Variants in JMJD1C observed in about 807,000 individuals in gnomAD.
The protein encoded by JMJD1C is jumonji domain-containing protein 1C.
Under a neutral mutation model 245.3 loss-of-function variants are expected in JMJD1C, and 31 were observed. That is an observed-to-expected ratio of 0.13 (90% CI 0.09 to 0.17). The LOEUF is 0.17. JMJD1C is among the 10% of genes least tolerant of loss of function. The probability of loss-of-function intolerance (pLI) is 1.00; values close to 1 mark genes in which losing one functional copy is unlikely to be tolerated. For missense variants in JMJD1C, 2,691 were observed against 3,000.2 expected, an observed-to-expected ratio of 0.90 and a Z score of 2.41; for synonymous variants, 1,057 against 1,017.4, an observed-to-expected ratio of 1.04 and a Z score of -0.74.
In JMJD1C at chr10:63,379,623, T is replaced by C. The variant is rs577210808; in HGVS notation, c.333+695A>G. 9.2e-5 allele frequency among the ~76,000 whole-genome samples: 14 copies of C among 152,350 alleles called. No homozygotes were observed. The South Asian group carries it at 2.9e-3, about 32-fold the overall frequency. On this transcript the variant is annotated intron_variant, in intron 2 of 25. Transcript: ENST00000399262. ...AAGAAGAATTACTCGTTATTAAATGTTTTAATACAAAGTATGTTCCATCTC... is the reference window on the plus strand; with the variant it reads ...AAGAAGAATTACTCGTTATTAAATGCTTTAATACAAAGTATGTTCCATCTC...
At chr10:63,418,683 G>GA (rs922629256) in intron 1 of JMJD1C, among the ~76,000 whole-genome samples, 2 of 152,104 alleles carry the variant, frequency 1.3e-5, no homozygotes, top group African/African-American at 4.8e-5. Flanking sequence ...CCACCCTACT[G>GA]AAAGGACAGA....
intron 1 of JMJD1C, among the ~76,000 whole-genome samples, chr10:63,406,553 C>T (rs945836746): frequency 2.6e-5 from 4 of 151,714 alleles, no homozygotes; most frequent in Non-Finnish European, 5.9e-5. Context: ...TTTTATTTCC[C>T]TACAAGTGAT....
intron 2 of JMJD1C, among the ~76,000 whole-genome samples, chr10:63,289,195 A>G (rs995170952): frequency 2.0e-5 from 3 of 152,136 alleles, no homozygotes; most frequent in African/African-American, 7.2e-5. Flanking sequence ...AGATCACCTC[A>G]GCTATAAAAA....
At chr10:63,345,120 A>G (rs1943695852) in intron 2 of JMJD1C, among the ~76,000 whole-genome samples, 1 of 152,348 alleles carries the variant, frequency 6.6e-6, no homozygotes, top group East Asian at 1.9e-4. Flanking sequence ...TCAAAAGTAG[A>G]ATGGGTATCT....
At chr10:63,294,427 A>G (rs760385428) in intron 2 of JMJD1C, among the ~76,000 whole-genome samples, 1 of 152,006 alleles carries the variant, frequency 6.6e-6, no homozygotes, top group East Asian at 1.9e-4. Flanking sequence ...CTGGGACTAC[A>G]GGTGTGTGCC....
chr10:63,180,913 C>T (rs1010864823), intron 22 of JMJD1C, among the ~76,000 whole-genome samples: 12 of 151,602 alleles, frequency 7.9e-5, no homozygotes, highest in African/African-American at 1.4e-4. Context: ...GGACTACAGG[C>T]GCCCGCCACT....
chr10:63,380,767 CCTT>C (rs1564855994), intron 1 of JMJD1C, among the ~76,000 whole-genome samples: 1 of 152,292 alleles, frequency 6.6e-6, no homozygotes, highest in Non-Finnish European at 1.5e-5. Flanking sequence ...AGCACTTACT[CCTT>C]CTATCTAATT....
intron 2 of JMJD1C, among the ~76,000 whole-genome samples, chr10:63,345,798 G>A (rs138582580): frequency 6.6e-6 from 1 of 152,100 alleles, no homozygotes; most frequent in East Asian, 1.9e-4. Flanking sequence ...TAAAATAAAT[G>A]AATTTTAGTG....
intron 8 of JMJD1C, among the ~76,000 whole-genome samples, chr10:63,210,014 T>C (rs1380587581): frequency 1.3e-5 from 2 of 152,182 alleles, no homozygotes; most frequent in Admixed American, 6.5e-5. Context: ...TCCTTTGTAT[T>C]TTCTCTAACA....
chr10:63,470,289 A>G (rs889722956), upstream of JMJD1C, among the ~76,000 whole-genome samples: 6 of 152,210 alleles, frequency 3.9e-5, no homozygotes, highest in Admixed American at 3.9e-4. Flanking sequence ...GAATGAATGA[A>G]TATAGCAAAA....
At chr10:63,265,096 T>G in intron 2 of JMJD1C, among the ~76,000 whole-genome samples, 1 of 152,008 alleles carries the variant, frequency 6.6e-6, no homozygotes, top group East Asian at 1.9e-4. Flanking sequence ...AACAGTAAAC[T>G]GGGTTGTAGA....
At chr10:63,456,468 AAC>A (rs1286615042) in intron 1 of JMJD1C, among the ~76,000 whole-genome samples, 3 of 152,250 alleles carry the variant, frequency 2.0e-5, no homozygotes, top group East Asian at 1.9e-4. Context: ...TATATTAAAT[AAC>A]ACATAATTTT....
intron 1 of JMJD1C, among the ~76,000 whole-genome samples, chr10:63,419,717 G>C (rs1950008295): frequency 2.0e-5 from 3 of 151,302 alleles, no homozygotes; most frequent in Middle Eastern, 3.4e-3. Context: ...CTGCAGTCCA[G>C]CTTTGAGTAA....
At chr10:63,483,932 T>G (rs941545159) in intron 1 of JMJD1C, among the ~76,000 whole-genome samples, 1 of 152,224 alleles carries the variant, frequency 6.6e-6, no homozygotes, top group Non-Finnish European at 1.5e-5. Flanking sequence ...TCTCAGCATG[T>G]CATAACTACT....
chr10:63,187,376 A>G (rs560589946), intron 18 of JMJD1C, among the ~76,000 whole-genome samples: 64 of 152,324 alleles, frequency 4.2e-4, no homozygotes, highest in African/African-American at 1.5e-3. Flanking sequence ...TAAAAAAGAT[A>G]AGGGTTAAGC....
Position 63,217,233 on chromosome 10 carries a change from G to C in JMJD1C, c.652C>G (p.Arg218Gly). Residue 218 changes from arginine (R) to glycine (G), a missense_variant, in exon 5 of 26, where the codon CGC (arginine) becomes GGC (glycine). Transcript: ENST00000399262. Reference sequence around the variant, plus strand: ...TGATCATTCATAACGATCATGGTGCGGGTGAAGAGATCATGATGAGTAATT... The same window carrying C: ...TGATCATTCATAACGATCATGGTGCCGGTGAAGAGATCATGATGAGTAATT... The part of the protein sequence containing the change: ...GIITHHDLFT[R>G]TMIVMNDQVL... 1 of 1,611,338 alleles carries C rather than the reference G, an allele frequency of 6.2e-7. No individual in the cohort carries two copies. Among genetic ancestry groups the C allele is most frequent in the Non-Finnish European group, 8.5e-7 (1 of 1,178,456 alleles).
At chr10:63,434,253 T>C (rs1950938983) in intron 1 of JMJD1C, among the ~76,000 whole-genome samples, 1 of 152,220 alleles carries the variant, frequency 6.6e-6, no homozygotes, top group Non-Finnish European at 1.5e-5. Flanking sequence ...CATTTATGTT[T>C]CTGCCTGAAA....
intron 1 of JMJD1C, among the ~76,000 whole-genome samples, chr10:63,397,770 G>C (rs1374219944): frequency 6.6e-6 from 1 of 152,156 alleles, no homozygotes; most frequent in African/African-American, 2.4e-5. Flanking sequence ...TGAGGCTCAA[G>C]CAATCCTCCT....
In JMJD1C at chr10:63,370,516, T is replaced by C. The variant is rs375610445; in HGVS notation, c.333+9802A>G. On this transcript the variant is annotated intron_variant, in intron 2 of 25. Transcript: ENST00000399262. ...GAATCAGGATTTGAACCAAGAAATA[T>C]GCCACAAAGTCTATGTCCTTAACAT... Among the ~76,000 whole-genome samples the C allele has an allele frequency of 2.8e-4, 43 of 152,338 alleles. No individual in the cohort carries two copies. The East Asian group carries it at 7.1e-3, about 25-fold the overall frequency.
Sources: allele counts gnomAD v4.1 joint callset (sites outside exome capture counted in the v4.1 genomes callset), GRCh38; gene constraint gnomAD v4.1.1; transcripts MANE v1.5; gene names NCBI Gene and HGNC (gene_info 2026-07-23, HGNC 2026-07-21).